DLGAP2: variants seen among roughly 807,000 people sequenced by gnomAD.
DLGAP2 encodes disks large-associated protein 2.
A neutral mutation model predicts 100.3 loss-of-function variants in DLGAP2; 26 were observed. The ratio of observed to expected loss-of-function variants is 0.26; its 90% CI spans 0.19 to 0.36. The LOEUF (loss-of-function observed/expected upper bound fraction) is 0.36. DLGAP2 is among the 10% of genes least tolerant of loss of function. DLGAP2 has a pLI of 1.00. For synonymous variants in DLGAP2, 886 were observed against 630.1 expected, an observed-to-expected ratio of 1.41 and a Z score of -6.08; for missense variants, 1,858 against 1,453.2, an observed-to-expected ratio of 1.28 and a Z score of -4.53.
intron 1 of DLGAP2, among the ~76,000 whole-genome samples, chr8:829,402 C>T (rs1796740973): frequency 6.6e-6 from 1 of 152,204 alleles, no homozygotes; most frequent in African/African-American, 2.4e-5. Flanking sequence ...AAAGAGAACA[C>T]TTGTCTTATT....
chr8:1,574,333 G>T (rs1478121007), intron 6 of DLGAP2, among the ~76,000 whole-genome samples: 1 of 152,100 alleles, frequency 6.6e-6, no homozygotes, highest in African/African-American at 2.4e-5. Context: ...AATACACCAA[G>T]AACAACAGCC....
intron 3 of DLGAP2, among the ~76,000 whole-genome samples, chr8:1,312,210 A>C (rs757855235): frequency 3.0e-4 from 45 of 152,236 alleles, no homozygotes; most frequent in Non-Finnish European, 5.4e-4. Flanking sequence ...GACATAGATC[A>C]CAGACCTAAA....
chr8:1,542,092 A>G (rs536131585), intron 4 of DLGAP2, among the ~76,000 whole-genome samples: 1 of 152,360 alleles, frequency 6.6e-6, no homozygotes, highest in South Asian at 2.1e-4. Flanking sequence ...CAAAAAATAA[A>G]CATAACTGCT....
At chr8:830,866 C>G (rs1796768552) in intron 1 of DLGAP2, among the ~76,000 whole-genome samples, 1 of 148,782 alleles carries the variant, frequency 6.7e-6, no homozygotes, top group South Asian at 2.1e-4. Context: ...TCTTTGCCAA[C>G]AAACCCTATG....
chr8:1,191,240 C>T (rs536950271), intron 2 of DLGAP2, among the ~76,000 whole-genome samples: 12 of 56,220 alleles, frequency 2.1e-4, no homozygotes, highest in Middle Eastern at 0.02. Context: ...GGCGCGATCT[C>T]GGCTCACTGC....
In DLGAP2 at chr8:1,604,747, T is replaced by C. The variant is rs1163389254; in HGVS notation, c.1443-21993T>C. ...CTTCTTGTTGCTCCGACACCAGCCT[T>C]TAAATGTAAAGTGACAACAGTCAAA... On this transcript the variant is annotated intron_variant, in intron 6 of 14. Transcript: ENST00000637795. 3 of 152,138 alleles carry C rather than the reference T, an allele frequency of 2.0e-5. 1 individual carries two copies. The highest frequency in any genetic ancestry group is 4.4e-5 in the Non-Finnish European group (3 of 68,036). 9.4% of individuals were successfully genotyped at this position (152,138 alleles called of 1,614,324 possible).
chr8:824,096 T>A (rs1196715366), intron 1 of DLGAP2, among the ~76,000 whole-genome samples: 1 of 152,052 alleles, frequency 6.6e-6, no homozygotes, highest in African/African-American at 2.4e-5. Flanking sequence ...TTCTTTCTTC[T>A]TCTTTTCTCC....
chr8:1,041,498 C>T (rs1403611225), intron 2 of DLGAP2, among the ~76,000 whole-genome samples: 1 of 152,196 alleles, frequency 6.6e-6, no homozygotes, highest in African/African-American at 2.4e-5. Context: ...CCTGTTTCTC[C>T]TGTTTCTGAG....
chr8:1,465,471 G>A (rs902010104), intron 3 of DLGAP2, among the ~76,000 whole-genome samples: 1 of 151,956 alleles, frequency 6.6e-6, no homozygotes, highest in African/African-American at 2.4e-5. Context: ...TGCTAGAGTG[G>A]CTCCCAGAAC....
intron 1 of DLGAP2, among the ~76,000 whole-genome samples, chr8:786,909 A>G (rs565059944): frequency 6.6e-6 from 1 of 152,270 alleles, no homozygotes; most frequent in Non-Finnish European, 1.5e-5. Context: ...AGAACCTCTA[A>G]GATGAGATGC....
intron 2 of DLGAP2, among the ~76,000 whole-genome samples, chr8:922,420 A>G (rs1220222431): frequency 1.3e-5 from 2 of 152,228 alleles, no homozygotes; most frequent in Non-Finnish European, 2.9e-5. Context: ...TTTGCCCCCA[A>G]AATTTAAAAG....
At position 1,464,757 on chromosome 8, in the gene DLGAP2, G is replaced by A. The variant is rs528602825; in HGVS notation, c.107-36609G>A. On this transcript the variant is annotated intron_variant, in intron 3 of 14. Coordinates refer to ENST00000637795, the MANE Select transcript of DLGAP2 (RefSeq NM_001346810.2). ...GGGCCAGAAGGGCTCACTGCCTCAC[G>A]CCTCACCGTCCTGGCCTCCAGCGAA... Among the ~76,000 whole-genome samples, 35 of 152,304 alleles carry A rather than the reference G, an allele frequency of 2.3e-4. 2 individuals carry two copies. The South Asian group carries it at 3.9e-3, about 17-fold the overall frequency.
intron 2 of DLGAP2, among the ~76,000 whole-genome samples, chr8:1,038,953 A>C (rs1025527487): frequency 4.9e-4 from 74 of 152,158 alleles, no homozygotes; most frequent in African/African-American, 1.7e-3. Flanking sequence ...TGTCTCTCCA[A>C]GTTGTATTTA....
chr8:1,448,346 C>G (rs962791152), intron 3 of DLGAP2, among the ~76,000 whole-genome samples: 1 of 152,034 alleles, frequency 6.6e-6, no homozygotes, highest in South Asian at 2.1e-4. Context: ...TATTATGTAC[C>G]TAGTAGTCAT....
intron 3 of DLGAP2, among the ~76,000 whole-genome samples, chr8:1,452,470 G>A (rs1798190178): frequency 6.6e-6 from 1 of 152,246 alleles, no homozygotes; most frequent in South Asian, 2.1e-4. Flanking sequence ...AGTGGACATG[G>A]AATATGGTCA....
At chr8:1,306,651 G>C (rs898398751) in intron 3 of DLGAP2, among the ~76,000 whole-genome samples, 1 of 125,474 alleles carries the variant, frequency 8.0e-6, no homozygotes, top group Non-Finnish European at 1.6e-5. Flanking sequence ...TTACTACAGA[G>C]CTATGATAAG....
intron 3 of DLGAP2, among the ~76,000 whole-genome samples, chr8:1,438,340 G>A (rs1797712542): frequency 1.3e-5 from 2 of 152,200 alleles, no homozygotes. Context: ...CAGAAGACCA[G>A]TTACAGTTAG....
intron 1 of DLGAP2, among the ~76,000 whole-genome samples, chr8:879,012 T>G (rs28663406): frequency 0.14 from 21,855 of 152,258 alleles, 1,853 homozygotes; most frequent in Admixed American, 0.2. Flanking sequence ...CTGGGCTCAA[T>G]GAAGGAGCCT....
intron 3 of DLGAP2, among the ~76,000 whole-genome samples, chr8:1,450,666 G>C (rs1021721443): frequency 1.3e-5 from 2 of 151,956 alleles, no homozygotes; most frequent in African/African-American, 4.8e-5. Flanking sequence ...CTGCAATTAT[G>C]TGACACTGTG....
Sources: allele counts gnomAD v4.1 joint callset (sites outside exome capture counted in the v4.1 genomes callset), GRCh38; gene constraint gnomAD v4.1.1; transcripts MANE v1.5; gene names NCBI Gene and HGNC (gene_info 2026-07-23, HGNC 2026-07-21).